Variants in FOCAD observed in about 807,000 individuals in gnomAD.
FOCAD encodes the protein KIAA1797.
In FOCAD, 198 loss-of-function variants were observed where a neutral mutation model predicts 225.6. That is an observed-to-expected ratio of 0.88 (90% CI 0.78 to 0.99). The LOEUF (loss-of-function observed/expected upper bound fraction) is 0.99, where lower values mean the gene tolerates loss of function less well. Ranked by LOEUF, FOCAD falls within the 50% of genes least tolerant of loss-of-function variation. The pLI is 0.00. For synonymous variants in FOCAD, 897 were observed against 755.0 expected, an observed-to-expected ratio of 1.19 and a Z score of -3.08; for missense variants, 2,713 against 2,123.6, an observed-to-expected ratio of 1.28 and a Z score of -5.46.
chr9:20,963,542 G>C lies in FOCAD; in HGVS notation c.4132+10477G>C, dbSNP rs531675444. 2.6e-5 allele frequency among the ~76,000 whole-genome samples: 4 copies of C among 152,294 alleles called. No individual in the cohort carries two copies. In the South Asian group the frequency reaches 8.3e-4, roughly 32 times the overall value. On this transcript the variant is annotated intron_variant, in intron 35 of 43. Transcript: ENST00000338382. Reference sequence around the variant, plus strand: ...AATTTTGAAAATACTCAATCTCTGAGAGTTTTCTAAGTAGAAATCTATTTA... The same window carrying C: ...AATTTTGAAAATACTCAATCTCTGACAGTTTTCTAAGTAGAAATCTATTTA...
At chr9:20,669,222 C>G (rs190535530) in intron 2 of FOCAD, among the ~76,000 whole-genome samples, 1 of 152,026 alleles carries the variant, frequency 6.6e-6, no homozygotes, top group Non-Finnish European at 1.5e-5. Flanking sequence ...AGGGGAGGAT[C>G]GGCACTGGAG....
chr9:20,666,168 T>A (rs1821894662), intron 2 of FOCAD, among the ~76,000 whole-genome samples: 1 of 152,218 alleles, frequency 6.6e-6, no homozygotes, highest in Non-Finnish European at 1.5e-5. Context: ...TCATTTGTTG[T>A]TAAAAATTCT....
At chr9:20,988,218 G>A (rs1841354866) in intron 40 of FOCAD, 114 bp from the exon 41 acceptor site, 2 of 581,416 alleles carry the variant, frequency 3.4e-6, no homozygotes, top group Admixed American at 3.2e-5. Flanking sequence ...ACATGAAACT[G>A]GTTAATGGAA....
intron 11 of FOCAD, among the ~76,000 whole-genome samples, chr9:20,797,166 A>T (rs1306031967): frequency 2.0e-5 from 3 of 151,986 alleles, no homozygotes; most frequent in Non-Finnish European, 4.4e-5. Flanking sequence ...GTTCTGTTCC[A>T]TTGGTCTGTA....
intron 22 of FOCAD, 112 bp from the exon 23 acceptor site, chr9:20,912,754 C>A (rs1276664794): frequency 2.6e-6 from 2 of 769,168 alleles, no homozygotes; most frequent in Non-Finnish European, 4.4e-6. Context: ...TAATGTCTTA[C>A]CCAGAACACT....
rs148475261 is a variant in FOCAD, at chr9:20,913,133, A to G, written c.2807+179A>G. On this transcript the variant is annotated intron_variant, in intron 23 of 43. Coordinates refer to ENST00000338382, the MANE Select transcript of FOCAD (RefSeq NM_001375567.1). The stretch of plus-strand genomic sequence containing the variant: ...AGATAGGAGATAGAGAGCTTTATTT[A>G]TAAATTATACATACACACACACACA... Among the ~76,000 whole-genome samples the G allele has an allele frequency of 6.7e-3, 942 of 140,542 alleles. 6 individuals are homozygous for G. Among genetic ancestry groups the G allele is most frequent in the African/African-American group, 0.024 (885 of 37,126 alleles). The allele number at this position is 140,542 out of a possible 152,430, so 92.2% of individuals were successfully genotyped here.
intron 8 of FOCAD, among the ~76,000 whole-genome samples, chr9:20,775,057 C>G (rs181644731): frequency 6.6e-6 from 1 of 152,170 alleles, no homozygotes; most frequent in Non-Finnish European, 1.5e-5. Context: ...ATTTCTGTAT[C>G]GCTGGGTTTA....
At chr9:20,800,704 C>G (rs1408729563) in intron 11 of FOCAD, among the ~76,000 whole-genome samples, 3 of 152,062 alleles carry the variant, frequency 2.0e-5, no homozygotes, top group African/African-American at 4.8e-5. Flanking sequence ...TCCATCAGGT[C>G]CTTTAAGGAC....
At chr9:20,739,999 G>A (rs1484829398) in intron 4 of FOCAD, among the ~76,000 whole-genome samples, 1 of 152,134 alleles carries the variant, frequency 6.6e-6, no homozygotes, top group African/African-American at 2.4e-5. Context: ...TTTCCCCCAA[G>A]AATGTGTAGG....
chr9:20,873,211 G>A (rs1272585837), intron 18 of FOCAD, among the ~76,000 whole-genome samples: 1 of 152,068 alleles, frequency 6.6e-6, no homozygotes, highest in Non-Finnish European at 1.5e-5. Context: ...AGGCCATGTA[G>A]TAACTCTATT....
intron 15 of FOCAD, among the ~76,000 whole-genome samples, chr9:20,837,875 C>A (rs1381920121): frequency 1.3e-5 from 2 of 151,984 alleles, no homozygotes; most frequent in Non-Finnish European, 2.9e-5. Flanking sequence ...CTAAGAGACT[C>A]ATTTCTAAAA....
At chr9:20,967,444 G>A (rs1021381977) in intron 35 of FOCAD, among the ~76,000 whole-genome samples, 8 of 151,942 alleles carry the variant, frequency 5.3e-5, no homozygotes, top group Non-Finnish European at 1.2e-4. Context: ...TCTCTATATA[G>A]GATCATATCA....
At chr9:20,702,785 T>A (rs1824066447) in intron 1 of FOCAD, among the ~76,000 whole-genome samples, 2 of 152,326 alleles carry the variant, frequency 1.3e-5, no homozygotes, top group South Asian at 4.1e-4. Context: ...TACCTCAAAG[T>A]TGTTGTGAGG....
chr9:20,938,535 C>G (rs1156574041), intron 28 of FOCAD, among the ~76,000 whole-genome samples: 3 of 150,612 alleles, frequency 2.0e-5, no homozygotes, highest in African/African-American at 7.4e-5. Context: ...ACAATGAGAA[C>G]ACATGGACAC....
chr9:20,949,849 A>G (rs1837528208), intron 33 of FOCAD, among the ~76,000 whole-genome samples, 174 bp downstream of exon 33: 2 of 152,116 alleles, frequency 1.3e-5, no homozygotes, highest in South Asian at 2.1e-4. Flanking sequence ...ACTGACAAAC[A>G]TGCACTACCT....
intron 15 of FOCAD, among the ~76,000 whole-genome samples, chr9:20,828,832 C>T (rs1246869604): frequency 2.6e-5 from 4 of 152,110 alleles, no homozygotes; most frequent in Admixed American, 2.0e-4. Context: ...GTTCCCCTCC[C>T]TGTGTCCATG....
intron 15 of FOCAD, among the ~76,000 whole-genome samples, chr9:20,838,059 A>G (rs1408252252): frequency 6.6e-6 from 1 of 152,162 alleles, no homozygotes; most frequent in African/African-American, 2.4e-5. Flanking sequence ...TAGCATGCAT[A>G]TAAGCCCAGA....
intron 15 of FOCAD, among the ~76,000 whole-genome samples, chr9:20,836,311 G>T (rs374375524): frequency 6.6e-6 from 1 of 152,100 alleles, no homozygotes; most frequent in African/African-American, 2.4e-5. Flanking sequence ...GTACAGTAAG[G>T]CTTCTGTCGC....
At chr9:20,716,315 G>C in intron 2 of FOCAD, 1 of 204,544 alleles carries the variant, frequency 4.9e-6, no homozygotes, top group Admixed American at 4.8e-5. Flanking sequence ...GCCCATACGT[G>C]TTACTGTTAA....
Sources: allele counts gnomAD v4.1 joint callset (sites outside exome capture counted in the v4.1 genomes callset), GRCh38; gene constraint gnomAD v4.1.1; transcripts MANE v1.5; gene names NCBI Gene and HGNC (gene_info 2026-07-23, HGNC 2026-07-21).